SGTB: variants seen among roughly 807,000 people sequenced by gnomAD.
The protein encoded by SGTB is small glutamine rich tetratricopeptide repeat co-chaperone beta.
In SGTB, 19 loss-of-function variants were observed where a neutral mutation model predicts 43.9. That is an observed-to-expected ratio of 0.43 (90% confidence interval 0.30 to 0.63). The LOEUF (loss-of-function observed/expected upper bound fraction) is 0.63. SGTB is among the 30% of genes least tolerant of loss of function. The pLI is 0.12. For missense variants in SGTB, 304 were observed against 358.9 expected (o/e 0.85, Z 1.24); for synonymous variants, 116 against 117.3 (o/e 0.99, Z 0.07).
intron 5 of SGTB, among the ~76,000 whole-genome samples, chr5:65,688,558 C>G (rs1394452318): frequency 1.3e-5 from 2 of 152,122 alleles, no homozygotes; most frequent in Non-Finnish European, 2.9e-5. Flanking sequence ...GAAAAAACAA[C>G]AAATCTGTTC....
intron 2 of SGTB, among the ~76,000 whole-genome samples, chr5:65,714,419 T>C (rs1758108712): frequency 6.6e-6 from 1 of 152,232 alleles, no homozygotes; most frequent in South Asian, 2.1e-4. Flanking sequence ...TGTTAAATGC[T>C]GATAGGGGCC....
rs775328138 is a variant in SGTB at position 65,670,070 on chromosome 5, C to A, written c.*176G>T. 221 of 536,788 alleles carry A rather than the reference C, an allele frequency of 4.1e-4. 1 individual carries two copies. Among genetic ancestry groups the A allele is most frequent in the Middle Eastern group, 1.8e-3 (4 of 2,172 alleles). 33.3% of individuals were successfully genotyped at this position (536,788 alleles called of 1,614,324 possible). A position where few individuals can be genotyped will look rare whatever the true frequency, so the allele number is the denominator to read the frequency against. Reference sequence around the variant, plus strand: ...TGTTTTGAGTTTGTTTGTGATAAACCTATTGTCTAAACAGATTTATTCTTT... The same window carrying A: ...TGTTTTGAGTTTGTTTGTGATAAACATATTGTCTAAACAGATTTATTCTTT... On this transcript the variant is annotated 3_prime_UTR_variant, in exon 11 of 11. Coordinates refer to ENST00000381007, the MANE Select transcript of SGTB (RefSeq NM_019072.3).
At chr5:65,675,024 TA>T (rs1299210257) in intron 8 of SGTB, among the ~76,000 whole-genome samples, 1 of 152,118 alleles carries the variant, frequency 6.6e-6, no homozygotes, top group Non-Finnish European at 1.5e-5. Flanking sequence ...AAAAGATGAA[TA>T]AAAACTGATT....
Position 65,712,973 on chromosome 5 carries a change from A to T in SGTB, c.192T>A (p.Ser64Arg), listed in dbSNP as rs1193843121. Residue 64 changes from serine to arginine, a missense_variant, in exon 3 of 11, where the codon AGT becomes AGA. Coordinates refer to ENST00000381007, the MANE Select transcript of SGTB (RefSeq NM_019072.3). Reference protein sequence around the residue: ...VSQPLTEMFTSSFCKNDVLPL... With the variant: ...VSQPLTEMFTRSFCKNDVLPL... ...AATGACAACATACCTTACAGAAGGA[A>T]CTGGTAAACATTTCTGTCAAAGGCT... is the stretch of plus-strand genomic sequence containing the variant. The T allele has an allele frequency of 6.2e-7, 1 of 1,612,066 alleles. No homozygotes were observed. Among genetic ancestry groups the T allele is most frequent in the East Asian group, 2.2e-5 (1 of 44,804 alleles).
At chr5:65,696,069 G>T (rs985795244) in intron 5 of SGTB, among the ~76,000 whole-genome samples, 2 of 152,198 alleles carry the variant, frequency 1.3e-5, no homozygotes, top group Non-Finnish European at 2.9e-5. Context: ...CTTTCTCAGA[G>T]CTCACACGGC....
intron 3 of SGTB, among the ~76,000 whole-genome samples, chr5:65,710,719 A>T (rs950926552): frequency 1.3e-5 from 2 of 152,156 alleles, no homozygotes; most frequent in African/African-American, 4.8e-5. Flanking sequence ...GAGACCAGGC[A>T]TGGTGGCTCA....
At chr5:65,711,640 T>C (rs1324915042) in intron 3 of SGTB, among the ~76,000 whole-genome samples, 1 of 152,254 alleles carries the variant, frequency 6.6e-6, no homozygotes, top group Non-Finnish European at 1.5e-5. Context: ...TCCTTATATC[T>C]TGTCATACAA....
chr5:65,670,236 C>G lies in SGTB; in HGVS notation c.*10G>C. 1 of 1,612,438 alleles carries G rather than the reference C, an allele frequency of 6.2e-7. No individual in the cohort carries two copies. Among genetic ancestry groups the G allele is most frequent in the South Asian group, 1.1e-5 (1 of 91,014 alleles). On this transcript the variant is annotated 3_prime_UTR_variant, in exon 11 of 11. Transcript: ENST00000381007. ...ACCATTTGTATCTTGGGCTTGAGCCCCTGGTTAAATCAGGAATGCTCTTCA... is the reference window on the plus strand; with the variant it reads ...ACCATTTGTATCTTGGGCTTGAGCCGCTGGTTAAATCAGGAATGCTCTTCA...
chr5:65,683,902 C>T (rs1453465095), intron 6 of SGTB, among the ~76,000 whole-genome samples: 3 of 150,298 alleles, frequency 2.0e-5, no homozygotes, highest in Non-Finnish European at 4.4e-5. Flanking sequence ...GCTGAGATCG[C>T]GCCACTGCAC....
At position 65,666,738 on chromosome 5, in the gene SGTB, T is replaced by C. The variant is rs994843010; in HGVS notation, c.*3508A>G. On this transcript the variant is annotated 3_prime_UTR_variant, in exon 11 of 11. Transcript: ENST00000381007. ...TGTAGGCAAGTGGACAGATAGCATC[T>C]AGATTGAATTTGTTACAGGTGGTAT... 6.6e-6 allele frequency: 1 copy of C among 152,196 alleles called. No homozygotes were observed. The highest frequency in any genetic ancestry group is 2.4e-5 in the African/African-American group (1 of 41,468). 9.4% of individuals were successfully genotyped at this position (152,196 alleles called of 1,614,324 possible). A position where few individuals can be genotyped will look rare whatever the true frequency, so the allele number is the denominator to read the frequency against.
At chr5:65,694,717 A>G (rs568560357) in intron 5 of SGTB, among the ~76,000 whole-genome samples, 85 of 152,156 alleles carry the variant, frequency 5.6e-4, no homozygotes, top group South Asian at 1.9e-3. Context: ...ACCTCAGGTG[A>G]TTCACCCACC....
intron 8 of SGTB, among the ~76,000 whole-genome samples, chr5:65,678,817 G>A (rs1173837085): frequency 2.6e-5 from 4 of 151,900 alleles, no homozygotes; most frequent in Non-Finnish European, 4.4e-5. Context: ...GGACCCCTTC[G>A]TTATACCATA....
At chr5:65,711,356 A>T (rs1448207032) in intron 3 of SGTB, among the ~76,000 whole-genome samples, 1 of 152,080 alleles carries the variant, frequency 6.6e-6, no homozygotes, top group South Asian at 2.1e-4. Flanking sequence ...GTTTCCTGAG[A>T]AGGAAAAAAA....
At chr5:65,675,531 T>C (rs1321217285) in intron 8 of SGTB, among the ~76,000 whole-genome samples, 1 of 152,092 alleles carries the variant, frequency 6.6e-6, no homozygotes, top group Non-Finnish European at 1.5e-5. Flanking sequence ...CTTCCTAAAG[T>C]CCATCCATGG....
At chr5:65,674,711 T>G (rs1757231219) in intron 8 of SGTB, among the ~76,000 whole-genome samples, 1 of 152,212 alleles carries the variant, frequency 6.6e-6, no homozygotes, top group African/African-American at 2.4e-5. Context: ...TCACACCTTA[T>G]TTTGGTACAT....
At chr5:65,708,955 G>T (rs563062055) in intron 3 of SGTB, among the ~76,000 whole-genome samples, 3 of 151,860 alleles carry the variant, frequency 2.0e-5, no homozygotes, top group African/African-American at 7.3e-5. Flanking sequence ...GTAGGAGGAT[G>T]GCTTGAGCCC....
At chr5:65,689,096 C>A (rs1220650396) in intron 5 of SGTB, among the ~76,000 whole-genome samples, 1 of 152,212 alleles carries the variant, frequency 6.6e-6, no homozygotes, top group Non-Finnish European at 1.5e-5. Flanking sequence ...AGGCGTGAGC[C>A]ACCATGCCTG....
At chr5:65,712,850 T>C (rs528743322) in intron 3 of SGTB, 111 bp downstream of exon 3, 7 of 703,100 alleles carry the variant, frequency 1.0e-5, no homozygotes, top group Admixed American at 8.2e-5. Flanking sequence ...ATTTACCTTA[T>C]ATACAGGATG....
chr5:65,696,608 G>A (rs998118751), intron 5 of SGTB, among the ~76,000 whole-genome samples: 1 of 152,192 alleles, frequency 6.6e-6, no homozygotes, highest in Admixed American at 6.5e-5. Flanking sequence ...ATAGATACAA[G>A]TGCCAATCTC....
Sources: gnomAD v4.1 joint callset for allele counts (sites outside exome capture counted in the v4.1 genomes callset) on GRCh38, gnomAD v4.1.1 for gene constraint, MANE v1.5 for transcripts, NCBI Gene and HGNC (gene_info 2026-07-23, HGNC 2026-07-21) for gene names.